The following TNFAIP8 variants were observed in gnomAD, a reference collection of about 807,000 sequenced individuals.
TNFAIP8 encodes the protein tumor necrosis factor alpha-induced protein 8.
TNFAIP8 carries 7 observed loss-of-function variants against 13.3 expected under a neutral mutation model. That is an observed-to-expected ratio of 0.52 (90% confidence interval 0.30 to 0.99). TNFAIP8 has a LOEUF of 0.99. Ranked by LOEUF, TNFAIP8 falls within the 50% of genes least tolerant of loss-of-function variation. The pLI is 0.07. For missense variants in TNFAIP8, 258 were observed against 236.9 expected (o/e 1.09, Z -0.58); for synonymous variants, 94 against 87.6 (o/e 1.07, Z -0.41).
chr5:119,328,315 G>A (rs1274377134), intron 1 of TNFAIP8, among the ~76,000 whole-genome samples: 1 of 151,836 alleles, frequency 6.6e-6, no homozygotes, highest in Non-Finnish European at 1.5e-5. Context: ...GTCCAGCCTG[G>A]AAAAGTTTTT....
intron 1 of TNFAIP8, among the ~76,000 whole-genome samples, chr5:119,379,174 G>T (rs927233946): frequency 6.6e-6 from 1 of 152,174 alleles, no homozygotes; most frequent in African/African-American, 2.4e-5. Flanking sequence ...AAATTGAGTT[G>T]ATTTCCTGAT....
At chr5:119,385,201 CTG>C (rs1191875501) in intron 1 of TNFAIP8, among the ~76,000 whole-genome samples, 1 of 152,206 alleles carries the variant, frequency 6.6e-6, no homozygotes, top group African/African-American at 2.4e-5. Context: ...GATGAGAAAA[CTG>C]TGTTTCAAAT....
intron 1 of TNFAIP8, among the ~76,000 whole-genome samples, chr5:119,294,153 G>A (rs192157527): frequency 0.017 from 2,525 of 151,282 alleles, 22 homozygotes; most frequent in African/African-American, 0.036. Context: ...CCATTAACTC[G>A]TCATTTAGCA....
Position 119,398,465 on chromosome 5 carries a change from G to T in TNFAIP8, c.*5084G>T, listed in dbSNP as rs1386778610. The stretch of plus-strand genomic sequence containing the variant: ...GGAGACTGAGGTGGGCGGATCACCT[G>T]AGGTCCAGAGTTCAAGACCAGCCTG... On this transcript the variant is annotated 3_prime_UTR_variant, in exon 2 of 2. Coordinates refer to ENST00000504771, the MANE Select transcript of TNFAIP8 (RefSeq NM_014350.4). 1 of 152,240 alleles carries T rather than the reference G, an allele frequency of 6.6e-6. No homozygotes were observed. Among genetic ancestry groups the T allele is most frequent in the Non-Finnish European group, 1.5e-5 (1 of 68,082 alleles). 9.4% of individuals were successfully genotyped at this position (152,240 alleles called of 1,614,324 possible). A position where few individuals can be genotyped will look rare whatever the true frequency, so the allele number is the denominator to read the frequency against.
chr5:119,324,019 A>G (rs1750138704), intron 1 of TNFAIP8, among the ~76,000 whole-genome samples: 2 of 152,250 alleles, frequency 1.3e-5, no homozygotes, highest in South Asian at 4.1e-4. Flanking sequence ...TATAGGTAAG[A>G]CTGTTGGTTG....
intron 1 of TNFAIP8, among the ~76,000 whole-genome samples, chr5:119,323,979 A>C (rs1477522574): frequency 6.6e-6 from 1 of 152,204 alleles, no homozygotes; most frequent in African/African-American, 2.4e-5. Flanking sequence ...GGAAATAGAC[A>C]AAAGCTTAAT....
At chr5:119,337,228 A>G (rs561894891) in intron 1 of TNFAIP8, among the ~76,000 whole-genome samples, 68 of 152,232 alleles carry the variant, frequency 4.5e-4, no homozygotes, top group African/African-American at 1.6e-3. Flanking sequence ...TATGAGATTT[A>G]CCTCATCATC....
chr5:119,282,627 G>A (rs1231652351), intron 1 of TNFAIP8, among the ~76,000 whole-genome samples: 2 of 152,192 alleles, frequency 1.3e-5, no homozygotes, highest in Non-Finnish European at 2.9e-5. Flanking sequence ...ACGCCTGCTT[G>A]CCCTTTTCTT....
intron 1 of TNFAIP8, chr5:119,316,408 C>G (rs1749896823): frequency 6.6e-6 from 1 of 152,206 alleles, no homozygotes; most frequent in Non-Finnish European, 1.5e-5. Flanking sequence ...ATCCTCGCAT[C>G]TCGACCTCCC....
intron 1 of TNFAIP8, among the ~76,000 whole-genome samples, chr5:119,330,596 C>T (rs1288626474): frequency 1.3e-5 from 2 of 152,114 alleles, no homozygotes; most frequent in Non-Finnish European, 2.9e-5. Context: ...CTTAACCTCT[C>T]TGCTCTGACA....
rs540009260 is a variant in TNFAIP8, at chr5:119,331,325, T to C, written c.2-61491T>C. Among the ~76,000 whole-genome samples the C allele has an allele frequency of 3.3e-5, 5 of 152,238 alleles. 1 individual carries two copies. In the South Asian group the frequency reaches 1.0e-3, roughly 32 times the overall value. ...GAGAATCTCCCTGCTCTCTAGCCTA[T>C]GTCTGTGATGACTCTTCTTTGTTCC... On this transcript the variant is annotated intron_variant, in intron 1 of 1. Transcript: ENST00000274456.
chr5:119,368,415 A>T (rs1580429184), intron 1 of TNFAIP8, among the ~76,000 whole-genome samples: 1 of 141,124 alleles, frequency 7.1e-6, no homozygotes, highest in African/African-American at 2.7e-5. Context: ...TCTTTCACTT[A>T]CCTATTCTAA....
chr5:119,300,402 A>C (rs1439106745), intron 1 of TNFAIP8, among the ~76,000 whole-genome samples: 4 of 152,256 alleles, frequency 2.6e-5, no homozygotes, highest in Admixed American at 2.6e-4. Context: ...ACTGCTTTAC[A>C]GGAGAATCTT....
At chr5:119,368,496 A>C (rs1021772058) in intron 1 of TNFAIP8, among the ~76,000 whole-genome samples, 3 of 150,824 alleles carry the variant, frequency 2.0e-5, no homozygotes, top group Non-Finnish European at 4.4e-5. Flanking sequence ...AGAAGCCTTG[A>C]CACCACATTT....
At chr5:119,355,131 G>A (rs1751334760), upstream of TNFAIP8, 4 of 583,800 alleles carry the variant, frequency 6.9e-6, no homozygotes, top group Non-Finnish European at 1.2e-5. Context: ...AGACCCGGGG[G>A]CAGAATTGAG....
intron 1 of TNFAIP8, among the ~76,000 whole-genome samples, chr5:119,374,327 C>A (rs1752198990): frequency 6.6e-6 from 1 of 152,052 alleles, no homozygotes. Context: ...CAAAAACTTT[C>A]CAATTTTGGC....
intron 1 of TNFAIP8, among the ~76,000 whole-genome samples, chr5:119,364,112 C>G (rs552907659): frequency 3.3e-5 from 5 of 152,162 alleles, no homozygotes; most frequent in African/African-American, 1.2e-4. Context: ...AACTCAGTCT[C>G]CAGCCCGTCT....
chr5:119,278,841 G>A (rs1406768898), intron 1 of TNFAIP8, among the ~76,000 whole-genome samples: 1 of 152,168 alleles, frequency 6.6e-6, no homozygotes, highest in Non-Finnish European at 1.5e-5. Flanking sequence ...ACTACTAGCA[G>A]TGACTTTTTC....
chr5:119,347,018 T>C (rs570101370), intron 1 of TNFAIP8, among the ~76,000 whole-genome samples: 6 of 152,396 alleles, frequency 3.9e-5, no homozygotes, highest in Non-Finnish European at 7.3e-5. Flanking sequence ...GAGGCTGATA[T>C]ACCATCTCCT....
Sources: allele counts gnomAD v4.1 joint callset (sites outside exome capture counted in the v4.1 genomes callset), GRCh38; gene constraint gnomAD v4.1.1; transcripts MANE v1.5; gene names NCBI Gene and HGNC (gene_info 2026-07-23, HGNC 2026-07-21).